The following RBFOX1 variants were observed in gnomAD, a reference collection of about 807,000 sequenced individuals.
RBFOX1 encodes the protein RNA binding protein fox-1 homolog 1.
A neutral mutation model predicts 57.7 loss-of-function variants in RBFOX1; 8 were observed. That is an observed-to-expected ratio of 0.14 (90% confidence interval 0.08 to 0.25). RBFOX1 has a LOEUF of 0.25. Among genes scored for constraint, RBFOX1 ranks in the 10% least tolerant of loss-of-function variants. The pLI is 1.00. For missense variants in RBFOX1, 611 were observed against 548.5 expected (o/e 1.11, Z -1.14); for synonymous variants, 326 against 222.4 (o/e 1.47, Z -4.15).
chr16:7,423,101 GA>G (rs1199837895), intron 4 of RBFOX1: 7 of 128,242 alleles, frequency 5.5e-5, no homozygotes, highest in Admixed American at 1.8e-4. Context: ...GAAAGAGAGA[GA>G]GAGAGAGAGA....
chr16:6,760,754 G>T (rs939590220), intron 3 of RBFOX1, among the ~76,000 whole-genome samples: 1 of 152,198 alleles, frequency 6.6e-6, no homozygotes, highest in African/African-American at 2.4e-5. Context: ...CAGCCTTGGT[G>T]CAAGATGCAG....
chr16:5,313,011 A>C (rs1003961767), intron 1 of RBFOX1, among the ~76,000 whole-genome samples: 2 of 152,052 alleles, frequency 1.3e-5, no homozygotes, highest in African/African-American at 4.8e-5. Context: ...CACACCACTG[A>C]GAATGGCAGG....
chr16:7,405,876 G>A (rs74012555), intron 4 of RBFOX1, among the ~76,000 whole-genome samples: 4,349 of 152,236 alleles, frequency 0.029, 186 homozygotes, highest in African/African-American at 0.099. Flanking sequence ...TTCTCAGGCA[G>A]TTGTGGCTCT....
chr16:7,365,416 T>C (rs1036706911), intron 4 of RBFOX1, among the ~76,000 whole-genome samples: 1 of 152,110 alleles, frequency 6.6e-6, no homozygotes, highest in African/African-American at 2.4e-5. Flanking sequence ...AAAAGAACCT[T>C]GTTAGTTATT....
chr16:7,243,056 T>C (rs964690262), intron 4 of RBFOX1, among the ~76,000 whole-genome samples: 15 of 152,230 alleles, frequency 9.9e-5, no homozygotes, highest in Admixed American at 5.2e-4. Context: ...ATTGGTAATA[T>C]AATAATATAT....
intron 2 of RBFOX1, among the ~76,000 whole-genome samples, chr16:6,453,820 C>G (rs1405116464): frequency 6.6e-6 from 1 of 152,214 alleles, no homozygotes; most frequent in Non-Finnish European, 1.5e-5. Context: ...CAAGTGCTTA[C>G]TGACCACACA....
chr16:5,351,505 G>C (rs2065261879), intron 1 of RBFOX1, among the ~76,000 whole-genome samples: 1 of 152,180 alleles, frequency 6.6e-6, no homozygotes. Flanking sequence ...ATGGGTCTCA[G>C]GAGGAGGGTC....
intron 3 of RBFOX1, among the ~76,000 whole-genome samples, chr16:6,715,705 G>A (rs1211539886): frequency 1.3e-5 from 2 of 152,168 alleles, no homozygotes; most frequent in Non-Finnish European, 2.9e-5. Flanking sequence ...GCCCAGAAAT[G>A]CCTGGTTTGT....
intron 4 of RBFOX1, among the ~76,000 whole-genome samples, chr16:7,251,719 C>T (rs931720600): frequency 1.3e-5 from 2 of 152,116 alleles, no homozygotes; most frequent in Non-Finnish European, 2.9e-5. Context: ...AGTGCCTGGT[C>T]ATGTCCATTC....
At chr16:7,516,962 C>G (rs529808980) in intron 4 of RBFOX1, among the ~76,000 whole-genome samples, 7 of 152,138 alleles carry the variant, frequency 4.6e-5, no homozygotes, top group Admixed American at 1.3e-4. Flanking sequence ...TATTTTTGCC[C>G]TAGTATCATT....
At chr16:5,335,957 C>G (rs2064885682) in intron 1 of RBFOX1, among the ~76,000 whole-genome samples, 1 of 152,068 alleles carries the variant, frequency 6.6e-6, no homozygotes, top group Non-Finnish European at 1.5e-5. Flanking sequence ...TTCCTTTAAT[C>G]CTCCCAATCA....
chr16:6,772,792 G>C (rs2078549243), intron 3 of RBFOX1, among the ~76,000 whole-genome samples: 1 of 150,152 alleles, frequency 6.7e-6, no homozygotes, highest in Admixed American at 6.6e-5. Context: ...GTGCATTTGT[G>C]TGCGTATGTG....
At chr16:7,039,687 G>C (rs998388540) in intron 3 of RBFOX1, among the ~76,000 whole-genome samples, 2 of 152,094 alleles carry the variant, frequency 1.3e-5, no homozygotes, top group Non-Finnish European at 2.9e-5. Context: ...AGAATCAGAG[G>C]ACACACTTTA....
chr16:6,916,653 C>T (rs1309111457), intron 3 of RBFOX1, among the ~76,000 whole-genome samples: 3 of 152,102 alleles, frequency 2.0e-5, no homozygotes, highest in African/African-American at 4.8e-5. Context: ...GGATGGTCAT[C>T]ACGACCTTCC....
At chr16:5,886,573 T>C (rs2057904650) in intron 4 of RBFOX1, among the ~76,000 whole-genome samples, 1 of 152,224 alleles carries the variant, frequency 6.6e-6, no homozygotes, top group Non-Finnish European at 1.5e-5. Flanking sequence ...GGCCCTGAGC[T>C]GGAGGATGAC....
intron 3 of RBFOX1, among the ~76,000 whole-genome samples, chr16:5,728,927 A>T (rs8063739): frequency 6.6e-6 from 1 of 151,956 alleles, no homozygotes; most frequent in Non-Finnish European, 1.5e-5. Flanking sequence ...TCACCTCTCA[A>T]CCTCAACTGA....
chr16:6,615,004 T>C (rs539845001), intron 2 of RBFOX1, among the ~76,000 whole-genome samples: 1 of 152,334 alleles, frequency 6.6e-6, no homozygotes, highest in East Asian at 1.9e-4. Flanking sequence ...TGGGCATTAT[T>C]TATTAAGAGA....
intron 2 of RBFOX1, among the ~76,000 whole-genome samples, chr16:6,564,021 T>C (rs1006295721): frequency 6.6e-6 from 1 of 152,132 alleles, no homozygotes; most frequent in East Asian, 1.9e-4. Context: ...ATGTTGTTTC[T>C]GCTTCTTCCC....
chr16:5,381,609 A>G (rs985888867), intron 1 of RBFOX1, among the ~76,000 whole-genome samples: 2 of 152,214 alleles, frequency 1.3e-5, no homozygotes, highest in African/African-American at 4.8e-5. Context: ...GTGGGACCTT[A>G]GCTGTGCTAA....
Sources: allele counts gnomAD v4.1 joint callset (sites outside exome capture counted in the v4.1 genomes callset), GRCh38; gene constraint gnomAD v4.1.1; transcripts MANE v1.5; gene names NCBI Gene and HGNC (gene_info 2026-07-23, HGNC 2026-07-21).